The following LIMS2 variants were observed in gnomAD, a reference collection of about 807,000 sequenced individuals.
The protein encoded by LIMS2 is LIM zinc finger domain containing 2, also known as LIM and senescent cell antigen-like-containing domain protein 2.
In LIMS2, 30 loss-of-function variants were observed where a neutral mutation model predicts 45.3. That is an observed-to-expected ratio of 0.66 (90% CI 0.50 to 0.90). The LOEUF is 0.90. Ranked by LOEUF, LIMS2 falls within the 40% of genes least tolerant of loss-of-function variation. The pLI is 0.00. For missense variants in LIMS2, 485 were observed against 468.7 expected, an observed-to-expected ratio of 1.03 and a Z score of -0.32; for synonymous variants, 173 against 188.0, an observed-to-expected ratio of 0.92 and a Z score of 0.65.
chr2:127,642,270 C>T lies in LIMS2; in HGVS notation c.510-71G>A, dbSNP rs1682503299. On this transcript the variant is annotated intron_variant, in intron 5 of 9. Transcript: ENST00000355119. This position sits in a 1 kb window ranked among gnomAD's most constrained non-coding sequence, Gnocchi z 5.3. ...CAGGGTCATGCCAGCAGCGCCTCCA[C>T]CCCAGGGCACGGCTCCCCGAGGGGC... 9 of 1,414,342 alleles carry T rather than the reference C, an allele frequency of 6.4e-6. No homozygotes were observed. Among genetic ancestry groups the T allele is most frequent in the Non-Finnish European group, 8.4e-6 (9 of 1,077,686 alleles). 87.6% of individuals were successfully genotyped at this position (1,414,342 alleles called of 1,614,324 possible). A position where few individuals can be genotyped will look rare whatever the true frequency, so the allele number is the denominator to read the frequency against.
intron 4 of LIMS2, chr2:127,648,270 G>A (rs1046526278): frequency 9.3e-5 from 82 of 877,616 alleles, no homozygotes; most frequent in Non-Finnish European, 8.1e-5. Flanking sequence ...CTCTGAAGCC[G>A]GGGGCAATCT....
chr2:127,652,386 AGC>A (rs1683902351), intron 4 of LIMS2: 1 of 168,220 alleles, frequency 5.9e-6, no homozygotes, highest in African/African-American at 2.4e-5. Flanking sequence ...CCCACGCACA[AGC>A]CTGCAACCCC....
At chr2:127,645,317 G>A (rs2105223782) in intron 4 of LIMS2, among the ~76,000 whole-genome samples, 1 of 152,314 alleles carries the variant, frequency 6.6e-6, no homozygotes, top group South Asian at 2.1e-4. Context: ...ACAACAAAAT[G>A]TAAAGTCTTT....
intron 1 of LIMS2, among the ~76,000 whole-genome samples, chr2:127,668,082 AT>A (rs1350354938): frequency 6.6e-6 from 1 of 152,254 alleles, no homozygotes; most frequent in African/African-American, 2.4e-5. Context: ...CAGCATCAAA[AT>A]GAATAAAATA....
chr2:127,677,308 A>G (rs6430944), upstream of LIMS2, among the ~76,000 whole-genome samples: 58,368 of 152,098 alleles, frequency 0.38, 12,415 homozygotes, highest in African/African-American at 0.57. This position sits in a 1 kb window ranked among gnomAD's most constrained non-coding sequence, Gnocchi z 5.0. Flanking sequence ...GTTTAGCAGG[A>G]GGTGGAGGAT....
At chr2:127,652,011 G>A in intron 4 of LIMS2, 1 of 539,172 alleles carries the variant, frequency 1.9e-6, no homozygotes, top group South Asian at 2.9e-5. Context: ...TCTGTGGCAG[G>A]GAGAGAGGAG....
chr2:127,680,385 C>A (rs567030783), upstream of LIMS2, among the ~76,000 whole-genome samples: 1 of 152,202 alleles, frequency 6.6e-6, no homozygotes, highest in Non-Finnish European at 1.5e-5. Context: ...CCCAGGATTT[C>A]GAGGTTACAG....
chr2:127,654,031 G>C (rs1684060063), intron 4 of LIMS2, among the ~76,000 whole-genome samples: 1 of 152,074 alleles, frequency 6.6e-6, no homozygotes, highest in African/African-American at 2.4e-5. Flanking sequence ...TTCGCAGAAG[G>C]TGGGAACTTC....
At position 127,660,689 on chromosome 2, in the gene LIMS2, G is replaced by A. The variant is rs1456548715; in HGVS notation, c.12-3127C>T. ...TGTAACACTCACCGTGAGGGTCCAT[G>A]GCTTTATTGTTGAAGTCAGCGAGAC... On this transcript the variant is annotated intron_variant, in intron 1 of 9. Transcript: ENST00000355119. 2.0e-5 allele frequency among the ~76,000 whole-genome samples: 3 copies of A among 152,212 alleles called. 1 individual carries two copies. In the Middle Eastern group the frequency reaches 0.01, roughly 518 times the overall value.
At chr2:127,643,132 CAGG>C (rs751652835) in intron 4 of LIMS2, 60 bp from the exon 5 acceptor site, 30 of 1,515,266 alleles carry the variant, frequency 2.0e-5, no homozygotes, top group Non-Finnish European at 2.5e-5. Context: ...TGGCCACCTC[CAGG>C]AGAAGAGAGG....
intron 7 of LIMS2, 94 bp downstream of exon 7, chr2:127,640,802 T>C: frequency 8.7e-7 from 1 of 1,145,336 alleles, no homozygotes; most frequent in Non-Finnish European, 1.3e-6. Context: ...CTGGCAGAGC[T>C]CCTGAGGGGG....
At chr2:127,657,111 C>T (rs912761036) in intron 2 of LIMS2, among the ~76,000 whole-genome samples, 1 of 152,224 alleles carries the variant, frequency 6.6e-6, no homozygotes, top group Non-Finnish European at 1.5e-5. Context: ...GTCTAGTCCC[C>T]AGGGAGGGCA....
At chr2:127,662,073 C>T (rs566055286) in intron 1 of LIMS2, among the ~76,000 whole-genome samples, 4 of 152,296 alleles carry the variant, frequency 2.6e-5, no homozygotes, top group East Asian at 1.9e-4. Flanking sequence ...GCTGAGGCCA[C>T]GTCGGCCTGA....
At chr2:127,678,664 G>A (rs1182897578), upstream of LIMS2, among the ~76,000 whole-genome samples, 2 of 152,156 alleles carry the variant, frequency 1.3e-5, no homozygotes, top group African/African-American at 4.8e-5. The surrounding 1 kb of genome is among the most constrained non-coding windows in gnomAD (Gnocchi z 5.3). Flanking sequence ...CAGCACAGGT[G>A]TGGTGGTTGT....
At chr2:127,641,040 C>T (rs760051653) in intron 6 of LIMS2, 52 bp from the exon 7 acceptor site, 18 of 1,490,306 alleles carry the variant, frequency 1.2e-5, no homozygotes, top group East Asian at 4.5e-5. Context: ...GCGGTGACCC[C>T]GAGGGACAGT....
chr2:127,653,417 A>T lies in LIMS2; in HGVS notation c.359+1007T>A, dbSNP rs1558886190. Among the ~76,000 whole-genome samples the T allele has an allele frequency of 6.6e-6, 1 of 152,122 alleles. No homozygotes were observed. Among genetic ancestry groups the T allele is most frequent in the Non-Finnish European group, 1.5e-5 (1 of 68,010 alleles). On this transcript the variant is annotated intron_variant, in intron 4 of 9. Coordinates refer to ENST00000355119, the MANE Select transcript of LIMS2 (RefSeq NM_001161403.3). The surrounding 1 kb of genome is among the most constrained non-coding windows in gnomAD (Gnocchi z 5.3). ...GGGATGCCTGGTGGACACCAAGTGG[A>T]GGTGACATGTGGGCAGCTGAGGACA...
intron 1 of LIMS2, among the ~76,000 whole-genome samples, chr2:127,668,702 A>AAAC (rs1685146331): frequency 9.5e-6 from 1 of 105,660 alleles, no homozygotes; most frequent in Non-Finnish European, 2.0e-5. Context: ...AAAAAAAAAA[A>AAAC]AAAAAAAAAC....
chr2:127,665,227 G>C (rs1053387408), intron 1 of LIMS2, among the ~76,000 whole-genome samples: 7 of 152,156 alleles, frequency 4.6e-5, no homozygotes, highest in Non-Finnish European at 1.0e-4. Flanking sequence ...CTTTAGCATT[G>C]ATCCCATTTC....
In LIMS2 at chr2:127,653,358, G is replaced by A. The variant is rs1246434424; in HGVS notation, c.359+1066C>T. On this transcript the variant is annotated intron_variant, in intron 4 of 9. Coordinates refer to ENST00000355119, the MANE Select transcript of LIMS2 (RefSeq NM_001161403.3). The surrounding 1 kb of genome is among the most constrained non-coding windows in gnomAD (Gnocchi z 5.3). ...GAGGCAGCCTTGGTGGTCAGTGGAG[G>A]AGAATCCCAAACTGCTTGTGCCTCA... Among the ~76,000 whole-genome samples, 1 of 152,216 alleles carries A rather than the reference G, an allele frequency of 6.6e-6. No individual in the cohort carries two copies. The highest frequency in any genetic ancestry group is 1.5e-5 in the Non-Finnish European group (1 of 68,036).
Sources: allele counts gnomAD v4.1 joint callset (sites outside exome capture counted in the v4.1 genomes callset), GRCh38; gene constraint gnomAD v4.1.1; non-coding constraint Gnocchi (gnomAD v3.1); transcripts MANE v1.5; gene names NCBI Gene and HGNC (gene_info 2026-07-23, HGNC 2026-07-21).